The following THBS2 variants were observed in gnomAD, a reference collection of about 807,000 sequenced individuals.
THBS2 encodes the protein thrombospondin-2.
Under a neutral mutation model 135.2 loss-of-function variants are expected in THBS2, and 47 were observed. The observed-to-expected ratio is 0.35, with a 90% CI of 0.28 to 0.44. The LOEUF (loss-of-function observed/expected upper bound fraction) is 0.44, where lower values mean the gene tolerates loss of function less well. Ranked by LOEUF, THBS2 falls within the 20% of genes least tolerant of loss-of-function variation. The probability of loss-of-function intolerance (pLI) is 1.00; values close to 1 mark genes in which losing one functional copy is unlikely to be tolerated. For missense variants in THBS2, 1,288 were observed against 1,603.1 expected (o/e 0.80, Z 3.36); for synonymous variants, 639 against 633.8 (o/e 1.01, Z -0.12).
In THBS2 at chr6:169,216,823, ATAT is replaced by A. The variant is rs1486017693; in HGVS notation, c.*996_*998del. 1 of 152,250 alleles carries A rather than the reference ATAT, an allele frequency of 6.6e-6. No homozygotes were observed. Among genetic ancestry groups the A allele is most frequent in the East Asian group, 1.9e-4 (1 of 5,204 alleles). 9.4% of individuals were successfully genotyped at this position (152,250 alleles called of 1,614,324 possible). On this transcript the variant is annotated 3_prime_UTR_variant, in exon 22 of 22. Transcript: ENST00000617924. The stretch of plus-strand genomic sequence containing the variant: ...GTTGCATTCTATAGTCACTTAATAA[ATAT>A]TAACAAAATATTTATAACTGGAACC...
chr6:169,240,032 G>T (rs756159736), intron 6 of THBS2, among the ~76,000 whole-genome samples: 40 of 152,330 alleles, frequency 2.6e-4, no homozygotes, highest in Middle Eastern at 6.8e-3. Context: ...TGAGGCCATT[G>T]TCAGCAGAAA....
In THBS2 at chr6:169,237,301, C is replaced by T; in HGVS notation, c.1346G>A (p.Cys449Tyr). Residue 449 changes from cysteine (C) to tyrosine (Y), a missense_variant, in exon 9 of 22, where the codon TGC becomes TAC. Coordinates refer to ENST00000617924, the MANE Select transcript of THBS2 (RefSeq NM_003247.5). ...ATTGCCAACTCCACAGGTCACAGAG[C>T]ATGAAGACCAAGGTGACCAGTGGCT... ...GWSHWSPWSS[C>Y]SVTCGVGNIT... 1 of 1,613,462 alleles carries T rather than the reference C, an allele frequency of 6.2e-7. No homozygotes were observed. The highest frequency in any genetic ancestry group is 8.5e-7 in the Non-Finnish European group (1 of 1,180,020).
rs372097659 is a variant in THBS2 at position 169,235,318 on chromosome 6, G to A, written c.1478-411C>T. Among the ~76,000 whole-genome samples, 9 of 151,716 alleles carry A rather than the reference G, an allele frequency of 5.9e-5. No homozygotes were observed. In the South Asian group the frequency reaches 1.5e-3, roughly 25 times the overall value. ...ATTACAGGCATGAGCCACCGTGCCC[G>A]GCCCCACACCACCATTTACACCGAG... On this transcript the variant is annotated intron_variant, in intron 9 of 21. Transcript: ENST00000617924.
intron 18 of THBS2, among the ~76,000 whole-genome samples, chr6:169,222,963 T>C (rs572409878): frequency 2.7e-4 from 41 of 152,244 alleles, no homozygotes; most frequent in Non-Finnish European, 4.4e-4. Flanking sequence ...GGTATTTCTT[T>C]TAGATCCAAC....
Position 169,216,179 on chromosome 6 carries a change from A to T in THBS2, c.*1643T>A, listed in dbSNP as rs573698737. On this transcript the variant is annotated 3_prime_UTR_variant, in exon 22 of 22. Transcript: ENST00000617924. Reference sequence around the variant, plus strand: ...AGTGCAGCAAAACAACAACACAACGATCAACCTCAAAGGAAACAACAAAAT... The same window carrying T: ...AGTGCAGCAAAACAACAACACAACGTTCAACCTCAAAGGAAACAACAAAAT... The T allele has an allele frequency of 6.6e-6, 1 of 152,340 alleles. No homozygotes were observed. The highest frequency in any genetic ancestry group is 2.1e-4 in the South Asian group (1 of 4,822). 9.4% of individuals were successfully genotyped at this position (152,340 alleles called of 1,614,324 possible).
Position 169,248,916 on chromosome 6 carries a change from C to G in THBS2, c.110G>C (p.Arg37Pro). The part of the protein sequence containing the change: ...FDLFSISNIN[R>P]KTIGAKQFRG... ...GAACTGCTTGGCGCCAATGGTCTTGCGGTTGATGTTGCTGATACTGAAAAG... is the reference window on the plus strand; with the variant it reads ...GAACTGCTTGGCGCCAATGGTCTTGGGGTTGATGTTGCTGATACTGAAAAG... Residue 37 changes from arginine to proline, a missense_variant, in exon 3 of 22, where the codon CGC becomes CCC. By Grantham distance (103) the Arg-to-Pro change is moderately radical. Coordinates refer to ENST00000617924, the MANE Select transcript of THBS2 (RefSeq NM_003247.5). 2 of 1,613,596 alleles carry G rather than the reference C, an allele frequency of 1.2e-6. No individual in the cohort carries two copies. The highest frequency in any genetic ancestry group is 1.7e-6 in the Non-Finnish European group (2 of 1,179,906).
intron 12 of THBS2, 107 bp from the exon 13 acceptor site, chr6:169,232,305 G>T: frequency 7.8e-7 from 1 of 1,277,422 alleles, no homozygotes; most frequent in Non-Finnish European, 1.1e-6. Context: ...GGTCCCAAGC[G>T]GACCCAAGTC....
At chr6:169,219,695 T>G (rs981658942) in intron 21 of THBS2, 4 of 472,534 alleles carry the variant, frequency 8.5e-6, no homozygotes, top group Middle Eastern at 3.5e-4. Context: ...TGAGCCTTAT[T>G]TACTGCATCT....
chr6:169,237,410 T>C (rs1004224693), intron 8 of THBS2, 64 bp from the exon 9 acceptor site: 3 of 1,593,086 alleles, frequency 1.9e-6, no homozygotes, highest in Non-Finnish European at 2.6e-6. Flanking sequence ...CTGTAAGCGG[T>C]GTGCCTTATT....
At position 169,235,630 on chromosome 6, in the gene THBS2, C is replaced by T. The variant is rs957256924; in HGVS notation, c.1478-723G>A. On this transcript the variant is annotated intron_variant, in intron 9 of 21. Coordinates refer to ENST00000617924, the MANE Select transcript of THBS2 (RefSeq NM_003247.5). ...AGAGAGACACAGTTCTGTGCATCTGCGGCATCCTCTGTCCACACTCACTAC... is the reference window on the plus strand; with the variant it reads ...AGAGAGACACAGTTCTGTGCATCTGTGGCATCCTCTGTCCACACTCACTAC... Among the ~76,000 whole-genome samples, 17 of 152,042 alleles carry T rather than the reference C, an allele frequency of 1.1e-4. 1 individual carries two copies. The highest frequency in any genetic ancestry group is 5.8e-4 in the East Asian group (3 of 5,174).
Position 169,232,784 on chromosome 6 carries a change from G to C in THBS2, c.1812C>G (p.Thr604=), listed in dbSNP as rs1779893560. 1.9e-6 allele frequency: 3 copies of C among 1,613,834 alleles called. No individual in the cohort carries two copies. The South Asian group carries it at 3.3e-5, about 18-fold the overall frequency. ...TGTTGACACAGCGAGGCACCTTGCT[G>C]GTGGAGAAGCAGATGTCGGGGACCA... is the stretch of plus-strand genomic sequence containing the variant. ...CALVPDICFS[T]SKVPRCVNTQ... Residue 604 remains threonine (T), a synonymous_variant, in exon 12 of 22, where the codon ACC becomes ACG. Transcript: ENST00000617924.
At chr6:169,219,724 T>C (rs187147822) in intron 21 of THBS2, 70 of 505,814 alleles carry the variant, frequency 1.4e-4, no homozygotes, top group African/African-American at 8.3e-4. Context: ...GTAATGCGCA[T>C]TTGAAGGCAT....
intron 3 of THBS2, among the ~76,000 whole-genome samples, chr6:169,247,836 C>T (rs1408595255): frequency 6.8e-6 from 1 of 146,360 alleles, no homozygotes; most frequent in Non-Finnish European, 1.5e-5. Flanking sequence ...TGTGTATGTG[C>T]ATGGGTGCCC....
rs1174062559 is a variant in THBS2 at position 169,232,960 on chromosome 6, C to G, written c.1709G>C (p.Gly570Ala). 1 of 1,561,476 alleles carries G rather than the reference C, an allele frequency of 6.4e-7. No individual in the cohort carries two copies. Among genetic ancestry groups the G allele is most frequent in the Admixed American group, 1.9e-5 (1 of 51,462 alleles). ...PGAQCSSFPD[G>A]SWSCGSCPVG... ...AGGGCAGGAGCCGCATGACCAGGAC[C>G]CATCGGGGAAGCTGCTGCACTGGGC... is the stretch of plus-strand genomic sequence containing the variant. The change falls in exon 11 of 22, where the codon GGG becomes GCG. Residue 570 changes from glycine to alanine, a missense_variant. This residue lies in a region of THBS2 where 874 missense variants were observed against 1,156.1 expected (regional missense o/e 0.76). Transcript: ENST00000617924.
rs779666626 is a variant in THBS2, at chr6:169,222,479, C to T, written c.3002-11G>A. ...CAAACTCGTCAAAACCTGGATGCAACGCCATAAGGTTTCGTTAGAAACACC... is the reference window on the plus strand; with the variant it reads ...CAAACTCGTCAAAACCTGGATGCAATGCCATAAGGTTTCGTTAGAAACACC... On this transcript the variant is annotated splice_polypyrimidine_tract_variant and intron_variant, in intron 18 of 21. Coordinates refer to ENST00000617924, the MANE Select transcript of THBS2 (RefSeq NM_003247.5). The T allele has an allele frequency of 1.6e-5, 26 of 1,608,052 alleles. No homozygotes were observed. Among genetic ancestry groups the T allele is most frequent in the South Asian group, 5.5e-5 (5 of 90,680 alleles).
intron 4 of THBS2, among the ~76,000 whole-genome samples, chr6:169,244,884 G>A (rs1780490986): frequency 6.6e-6 from 1 of 152,174 alleles, no homozygotes; most frequent in Non-Finnish European, 1.5e-5. Flanking sequence ...TCCCTGCATT[G>A]ATGATCAAAT....
rs897653826 is a variant in THBS2 at position 169,217,976 on chromosome 6, T to C, written c.3512-147A>G. ...TGGATGGATGGATGGATGGATGAAA[T>C]GGATGGGTGGATGGATGAGATGGGT... On this transcript the variant is annotated intron_variant, in intron 21 of 21. Coordinates refer to ENST00000617924, the MANE Select transcript of THBS2 (RefSeq NM_003247.5). 3 of 659,770 alleles carry C rather than the reference T, an allele frequency of 4.5e-6. No homozygotes were observed. In the African/African-American group the frequency reaches 7.2e-5, roughly 16 times the overall value. The allele number at this position is 659,770 out of a possible 1,614,324, so 40.9% of individuals were successfully genotyped here. A position where few individuals can be genotyped will look rare whatever the true frequency, so the allele number is the denominator to read the frequency against.
At chr6:169,242,034 ATGAC>A (rs1780323580) in intron 4 of THBS2, 76 bp from the exon 5 acceptor site, 1 of 1,499,352 alleles carries the variant, frequency 6.7e-7, no homozygotes, top group Non-Finnish European at 9.0e-7. Flanking sequence ...CAGAGGGAGG[ATGAC>A]CCGCCCTGGC....
chr6:169,243,097 T>TTCCCACCTTCCCACCAC, intron 4 of THBS2, among the ~76,000 whole-genome samples: 1 of 125,110 alleles, frequency 8.0e-6, no homozygotes, highest in African/African-American at 3.3e-5. Context: ...TGCTCCCACC[T>TTCCCACCTTCCCACCAC]TCCCACCTTC....
Sources: gnomAD v4.1 joint callset for allele counts (sites outside exome capture counted in the v4.1 genomes callset) on GRCh38, gnomAD v4.1.1 for gene constraint, gnomAD v4.1.1 regional missense constraint, MANE v1.5 for transcripts, NCBI Gene and HGNC (gene_info 2026-07-23, HGNC 2026-07-21) for gene names.